DYM: variants seen among roughly 807,000 people sequenced by gnomAD.
DYM encodes dymeclin.
In DYM, 78 loss-of-function variants were observed where a neutral mutation model predicts 93.1. The ratio of observed to expected loss-of-function variants is 0.84; its 90% CI spans 0.70 to 1.01. The LOEUF (loss-of-function observed/expected upper bound fraction) is 1.01, where lower values mean the gene tolerates loss of function less well. Among genes scored for constraint, DYM ranks in the 50% least tolerant of loss-of-function variants. DYM has a pLI of 0.00. For missense variants in DYM, 789 were observed against 845.0 expected, an observed-to-expected ratio of 0.93 and a Z score of 0.82; for synonymous variants, 321 against 319.7, an observed-to-expected ratio of 1.00 and a Z score of -0.04.
chr18:49,088,550 T>TAAA (rs200912955), intron 17 of DYM, among the ~76,000 whole-genome samples: 24 of 106,928 alleles, frequency 2.2e-4, no homozygotes, highest in African/African-American at 8.0e-4. Context: ...CCCTAGAACT[T>TAAA]AAAAAAAAAA....
intron 1 of DYM, among the ~76,000 whole-genome samples, chr18:49,430,803 T>C (rs780606284): frequency 6.7e-5 from 10 of 150,298 alleles, no homozygotes; most frequent in Non-Finnish European, 1.5e-4. Flanking sequence ...GAGAATCACA[T>C]GAACCCAGGA....
intron 16 of DYM, among the ~76,000 whole-genome samples, chr18:49,114,901 T>A (rs1027380153): frequency 2.6e-5 from 4 of 152,208 alleles, no homozygotes; most frequent in African/African-American, 9.6e-5. Flanking sequence ...GAGAAAGTAA[T>A]TAGGTTTGTG....
chr18:49,201,726 G>A (rs975004772), intron 14 of DYM, among the ~76,000 whole-genome samples: 1 of 152,184 alleles, frequency 6.6e-6, no homozygotes, highest in African/African-American at 2.4e-5. Context: ...CTGGACTTGA[G>A]TTTTCCATGC....
At chr18:49,284,952 CTCA>C (rs2095086672) in intron 9 of DYM, among the ~76,000 whole-genome samples, 2 of 152,178 alleles carry the variant, frequency 1.3e-5, no homozygotes, top group African/African-American at 4.8e-5. Context: ...GGGCCCATCT[CTCA>C]TCAATAGGAT....
rs545732804 is a variant in DYM at position 49,205,494 on chromosome 18, A to G, written c.1625+4057T>C. On this transcript the variant is annotated intron_variant, in intron 14 of 17. Transcript: ENST00000675505. ...AAAAAATACATATAACATAACTATA[A>G]TTTTATAATTCATATTTTTAAATTA... Among the ~76,000 whole-genome samples the G allele has an allele frequency of 7.9e-5, 12 of 152,230 alleles. 1 individual carries two copies. The South Asian group carries it at 2.1e-3, about 26-fold the overall frequency.
At chr18:49,266,869 T>C (rs903579344) in intron 11 of DYM, among the ~76,000 whole-genome samples, 1 of 152,170 alleles carries the variant, frequency 6.6e-6, no homozygotes, top group Non-Finnish European at 1.5e-5. Flanking sequence ...GTCCAAAGTC[T>C]GAAAACCATT....
intron 5 of DYM, among the ~76,000 whole-genome samples, chr18:49,363,751 C>A (rs1227301855): frequency 6.6e-6 from 1 of 152,192 alleles, no homozygotes; most frequent in Non-Finnish European, 1.5e-5. Flanking sequence ...AAGAGGCCAA[C>A]CTCCTCTTTA....
At chr18:49,096,370 A>G (rs997888511) in intron 17 of DYM, among the ~76,000 whole-genome samples, 1 of 152,194 alleles carries the variant, frequency 6.6e-6, no homozygotes, top group Non-Finnish European at 1.5e-5. Context: ...AAATATTTTT[A>G]TATCCTACAA....
rs541408908 is a variant in DYM at position 49,217,238 on chromosome 18, G to A, written c.1461-7523C>T. 1.4e-4 allele frequency among the ~76,000 whole-genome samples: 21 copies of A among 152,346 alleles called. No homozygotes were observed. The East Asian group carries it at 1.9e-3, about 14-fold the overall frequency. On this transcript the variant is annotated intron_variant, in intron 13 of 17. Coordinates refer to ENST00000675505, the MANE Select transcript of DYM (RefSeq NM_001353214.3). ...AAAAAGAAACGAACAAAGCCTTCAA[G>A]AAATATGGGACTATGTGAAAAGACC...
At chr18:49,138,850 G>A (rs1395900909) in intron 15 of DYM, among the ~76,000 whole-genome samples, 1 of 152,106 alleles carries the variant, frequency 6.6e-6, no homozygotes, top group African/African-American at 2.4e-5. Context: ...TCCGATTTAA[G>A]TCTTCATGTT....
At chr18:49,071,068 G>C (rs1260022303) in intron 17 of DYM, among the ~76,000 whole-genome samples, 1 of 152,200 alleles carries the variant, frequency 6.6e-6, no homozygotes, top group Non-Finnish European at 1.5e-5. Context: ...AGTTCCTGTA[G>C]GTTAGGGCTG....
intron 16 of DYM, 110 bp from the exon 17 acceptor site, chr18:49,097,625 C>T (rs2079671741): frequency 9.8e-7 from 1 of 1,015,652 alleles, no homozygotes; most frequent in East Asian, 2.6e-5. Flanking sequence ...CCTACAGTGA[C>T]CCGGCTTTTA....
rs559623418 is a variant in DYM at position 49,099,800 on chromosome 18, A to T, written c.1912-2285T>A. ...CATAGTGCCTAAAAGTCTTCCTGAT[A>T]ACTTTTATGGATCCATTTTCTGTGA... On this transcript the variant is annotated intron_variant, in intron 16 of 17. Transcript: ENST00000675505. Among the ~76,000 whole-genome samples, 31 of 152,292 alleles carry T rather than the reference A, an allele frequency of 2.0e-4. 2 individuals carry two copies. In the South Asian group the frequency reaches 5.0e-3, roughly 24 times the overall value.
chr18:49,304,177 T>C (rs1204921937), intron 8 of DYM, among the ~76,000 whole-genome samples: 1 of 152,238 alleles, frequency 6.6e-6, no homozygotes, highest in African/African-American at 2.4e-5. Flanking sequence ...CAGAGATGCA[T>C]GGACTGTTAA....
At chr18:49,336,913 G>A (rs1441494776) in intron 6 of DYM, among the ~76,000 whole-genome samples, 1 of 152,092 alleles carries the variant, frequency 6.6e-6, no homozygotes, top group Non-Finnish European at 1.5e-5. Context: ...GAGTATGAGT[G>A]GCAATTACTT....
intron 11 of DYM, among the ~76,000 whole-genome samples, chr18:49,270,859 G>C (rs1322594108): frequency 6.6e-6 from 1 of 152,086 alleles, no homozygotes; most frequent in Non-Finnish European, 1.5e-5. Context: ...TACTGAAAAT[G>C]AGGAGAAAAC....
At chr18:49,127,036 T>C (rs2082896854) in intron 15 of DYM, among the ~76,000 whole-genome samples, 1 of 152,214 alleles carries the variant, frequency 6.6e-6, no homozygotes, top group Non-Finnish European at 1.5e-5. Context: ...GTGTCAAAAT[T>C]AGCTTTGTCA....
rs1408086631 is a variant in DYM, at chr18:49,039,653, C to T, written c.*4402G>A. Reference sequence around the variant, plus strand: ...CTCACCCTCAATTTTTCATCTTACTCATTCTCTTTTCAGTTATTTCTAATC... The same window carrying T: ...CTCACCCTCAATTTTTCATCTTACTTATTCTCTTTTCAGTTATTTCTAATC... On this transcript the variant is annotated 3_prime_UTR_variant, in exon 18 of 18. Coordinates refer to ENST00000675505, the MANE Select transcript of DYM (RefSeq NM_001353214.3). Among the ~76,000 whole-genome samples the T allele has an allele frequency of 1.3e-5, 2 of 151,682 alleles. No individual in the cohort carries two copies. The highest frequency in any genetic ancestry group is 2.4e-5 in the African/African-American group (1 of 41,230).
intron 14 of DYM, among the ~76,000 whole-genome samples, chr18:49,179,947 A>G (rs1386650377): frequency 1.3e-5 from 2 of 152,184 alleles, no homozygotes; most frequent in Middle Eastern, 3.2e-3. Flanking sequence ...GAGAGGGTTA[A>G]TATTTTCCTT....
Sources: gnomAD v4.1 joint callset for allele counts (sites outside exome capture counted in the v4.1 genomes callset) on GRCh38, gnomAD v4.1.1 for gene constraint, MANE v1.5 for transcripts, NCBI Gene and HGNC (gene_info 2026-07-23, HGNC 2026-07-21) for gene names.